The following CREB1 variants were observed in gnomAD, a reference collection of about 807,000 sequenced individuals.
CREB1 encodes cAMP responsive element binding protein 1.
In CREB1, 2 loss-of-function variants were observed where a neutral mutation model predicts 42.0. The observed-to-expected ratio is 0.05, with a 90% CI of 0.02 to 0.15. The LOEUF is 0.15. CREB1 is among the 10% of genes least tolerant of loss of function. The pLI, the probability that CREB1 is intolerant of heterozygous loss-of-function variation, is 1.00. For synonymous variants in CREB1, 123 were observed against 139.9 expected (o/e 0.88, Z 0.85); for missense variants, 199 against 388.9 (o/e 0.51, Z 4.11).
At chr2:207,589,143 A>G (rs2084484867) in intron 7 of CREB1, among the ~76,000 whole-genome samples, 1 of 152,170 alleles carries the variant, frequency 6.6e-6, no homozygotes, top group South Asian at 2.1e-4. Context: ...CTTAAACAAC[A>G]CAAATGTATT....
chr2:207,534,673 C>G (rs1216410511), intron 1 of CREB1: 1 of 152,168 alleles, frequency 6.6e-6, no homozygotes, highest in Non-Finnish European at 1.5e-5. Context: ...AAAGGGATCA[C>G]CTTTGGTGAA....
chr2:207,537,931 A>G (rs1036188588), intron 1 of CREB1, among the ~76,000 whole-genome samples: 20 of 152,214 alleles, frequency 1.3e-4, no homozygotes, highest in African/African-American at 4.8e-4. Context: ...GAATATTTGC[A>G]TATACATACA....
intron 1 of CREB1, among the ~76,000 whole-genome samples, chr2:207,532,428 A>G (rs1033797211): frequency 5.9e-5 from 9 of 151,944 alleles, no homozygotes; most frequent in African/African-American, 2.2e-4. Flanking sequence ...TAATCCCAGC[A>G]CTTTGGGAAG....
chr2:207,588,488 T>G (rs1287746582), intron 7 of CREB1, among the ~76,000 whole-genome samples: 1 of 152,186 alleles, frequency 6.6e-6, no homozygotes, highest in Admixed American at 6.5e-5. Flanking sequence ...TTCTTAAAAT[T>G]GTTTGGCTAT....
chr2:207,546,662 G>A (rs1406743517), intron 1 of CREB1, among the ~76,000 whole-genome samples: 2 of 152,086 alleles, frequency 1.3e-5, no homozygotes, highest in Non-Finnish European at 2.9e-5. Context: ...GGGAAGCGGA[G>A]GTTGCAGTGA....
Position 207,570,043 on chromosome 2 carries a change from A to C in CREB1, c.363-136A>C, listed in dbSNP as rs935608893. ...GCGACAGAGCAAGACTCCATCTCAA[A>C]AAAAAAAAAAAAAAAAAAACCTTCT... On this transcript the variant is annotated intron_variant, in intron 4 of 7. Coordinates refer to ENST00000353267, the MANE Select transcript of CREB1 (RefSeq NM_004379.5). The C allele has an allele frequency of 8.1e-4, 342 of 424,610 alleles. 3 individuals are homozygous for C. In the East Asian group the frequency reaches 0.018, roughly 22 times the overall value. The allele number at this position is 424,610 out of a possible 1,614,324, so 26.3% of individuals were successfully genotyped here.
intron 3 of CREB1, chr2:207,561,195 T>TATTAGAAAGGA (rs760505522): frequency 3.4e-5 from 53 of 1,542,776 alleles, no homozygotes; most frequent in Non-Finnish European, 4.5e-5. Flanking sequence ...AGAGAACTAT[T>TATTAGAAAGGA]ATTAGAAAGG....
chr2:207,533,603 A>G (rs1444776319), intron 1 of CREB1, among the ~76,000 whole-genome samples: 1 of 152,222 alleles, frequency 6.6e-6, no homozygotes, highest in African/African-American at 2.4e-5. Context: ...ATAGTTTTGC[A>G]AATATCTTGA....
At chr2:207,532,842 G>C (rs2080706251) in intron 1 of CREB1, among the ~76,000 whole-genome samples, 1 of 151,762 alleles carries the variant, frequency 6.6e-6, no homozygotes, top group Non-Finnish European at 1.5e-5. Flanking sequence ...TGCAAGCTCC[G>C]CCTCCCGGGT....
intron 1 of CREB1, among the ~76,000 whole-genome samples, chr2:207,538,270 G>C (rs528984902): frequency 3.9e-5 from 6 of 151,920 alleles, no homozygotes; most frequent in Non-Finnish European, 8.8e-5. Context: ...TCCAACAGAT[G>C]AGAAGGCAGT....
intron 1 of CREB1, among the ~76,000 whole-genome samples, chr2:207,545,711 T>C (rs146704834): frequency 1.5e-4 from 23 of 150,870 alleles, no homozygotes; most frequent in Middle Eastern, 3.4e-3. Flanking sequence ...TTTAGAGTTG[T>C]ACAGATTAAA....
intron 1 of CREB1, among the ~76,000 whole-genome samples, chr2:207,552,042 CAAAA>C (rs71036931): frequency 1.6e-4 from 11 of 69,926 alleles, no homozygotes; most frequent in South Asian, 7.3e-4. Context: ...AACTCCGTCT[CAAAA>C]AAAAAAAAAA....
intron 2 of CREB1, among the ~76,000 whole-genome samples, chr2:207,558,941 C>T (rs2081848133): frequency 6.6e-6 from 1 of 152,182 alleles, no homozygotes; most frequent in African/African-American, 2.4e-5. Context: ...CATTGCCCGG[C>T]CTAAAGTGAT....
At chr2:207,532,859 A>G (rs2080707424) in intron 1 of CREB1, among the ~76,000 whole-genome samples, 1 of 151,658 alleles carries the variant, frequency 6.6e-6, no homozygotes, top group African/African-American at 2.4e-5. Flanking sequence ...GGGTTCAAGC[A>G]ATTCTCCTGC....
chr2:207,576,241 C>CTTTTTTTTTTTTTTTTTTTGTTTT (rs35735523), intron 6 of CREB1, among the ~76,000 whole-genome samples: 2 of 101,068 alleles, frequency 2.0e-5, no homozygotes, highest in Admixed American at 1.1e-4. Context: ...CTTTTTTTGG[C>CTTTTTTTTTTTTTTTTTTTGTTTT]TTTTTTTTTT....
At chr2:207,580,684 T>G in intron 7 of CREB1, 1 of 221,628 alleles carries the variant, frequency 4.5e-6, no homozygotes, top group Non-Finnish European at 9.0e-6. Context: ...GTGGTAAACA[T>G]TCTAAAAGAA....
At chr2:207,533,634 G>C (rs773647666) in intron 1 of CREB1, among the ~76,000 whole-genome samples, 1 of 152,068 alleles carries the variant, frequency 6.6e-6, no homozygotes, top group Non-Finnish European at 1.5e-5. Context: ...AACTTTGATG[G>C]CTTCTTTATT....
rs114112087 is a variant in CREB1 at position 207,586,954 on chromosome 2, G to A, written c.839+9299G>A. Reference sequence around the variant, plus strand: ...GTTAGGAAGTATCATTAGTTAGAATGGCTATAATCAAAAAGACAAGAAGTA... The same window carrying A: ...GTTAGGAAGTATCATTAGTTAGAATAGCTATAATCAAAAAGACAAGAAGTA... On this transcript the variant is annotated intron_variant, in intron 7 of 7. Coordinates refer to ENST00000353267, the MANE Select transcript of CREB1 (RefSeq NM_004379.5). 1.1e-3 allele frequency among the ~76,000 whole-genome samples: 171 copies of A among 152,230 alleles called. 1 individual carries two copies. The highest frequency in any genetic ancestry group is 3.8e-3 in the African/African-American group (157 of 41,538).
intron 1 of CREB1, among the ~76,000 whole-genome samples, chr2:207,547,875 T>C (rs1410170422): frequency 6.6e-6 from 1 of 152,028 alleles, no homozygotes; most frequent in African/African-American, 2.4e-5. Context: ...ATAGAGTTAG[T>C]CACATATTCT....
Sources: allele counts gnomAD v4.1 joint callset (sites outside exome capture counted in the v4.1 genomes callset), GRCh38; gene constraint gnomAD v4.1.1; transcripts MANE v1.5; gene names NCBI Gene and HGNC (gene_info 2026-07-23, HGNC 2026-07-21).